Variants in TAFA4 observed in about 807,000 individuals in gnomAD.
The protein encoded by TAFA4 is TAFA chemokine like family member 4.
A neutral mutation model predicts 21.1 loss-of-function variants in TAFA4; 20 were observed. The ratio of observed to expected loss-of-function variants is 0.95; its 90% CI spans 0.67 to 1.38. The LOEUF is 1.38. Ranked by LOEUF, TAFA4 falls within the 40% of genes most tolerant of loss-of-function variation. The pLI, the probability that TAFA4 is intolerant of heterozygous loss-of-function variation, is 0.00. For missense variants in TAFA4, 211 were observed against 180.9 expected (o/e 1.17, Z -0.95); for synonymous variants, 71 against 67.4 (o/e 1.05, Z -0.26).
chr3:68,844,159 G>A (rs1704733149), intron 3 of TAFA4, among the ~76,000 whole-genome samples: 1 of 151,960 alleles, frequency 6.6e-6, no homozygotes, highest in South Asian at 2.1e-4. Flanking sequence ...AGCTTTTTTT[G>A]GTTGGTAGGC....
chr3:68,807,444 T>C (rs1188089078), intron 3 of TAFA4, among the ~76,000 whole-genome samples: 1 of 152,188 alleles, frequency 6.6e-6, no homozygotes, highest in Admixed American at 6.5e-5. Flanking sequence ...GTAGACATTT[T>C]TGAAACATGG....
intron 3 of TAFA4, among the ~76,000 whole-genome samples, chr3:68,756,594 T>C (rs1249557728): frequency 2.0e-5 from 3 of 152,200 alleles, no homozygotes; most frequent in Non-Finnish European, 4.4e-5. Context: ...TGTCATGCCA[T>C]CTTCAACGTC....
chr3:68,759,629 AAACTGAAGCTAAATATTG>A (rs1314501846), intron 3 of TAFA4, among the ~76,000 whole-genome samples: 1 of 152,184 alleles, frequency 6.6e-6, no homozygotes, highest in African/African-American at 2.4e-5. Context: ...TCCATCTTGA[AAACTGAAGCTAAATATTG>A]AGAACATAAC....
chr3:68,833,099 G>C (rs1180897316), intron 3 of TAFA4, among the ~76,000 whole-genome samples: 1 of 152,182 alleles, frequency 6.6e-6, no homozygotes, highest in Admixed American at 6.5e-5. Context: ...ATTCCTCCAG[G>C]TATAGTCACT....
At chr3:68,740,314 G>A (rs1254601088) in intron 4 of TAFA4, among the ~76,000 whole-genome samples, 1 of 152,146 alleles carries the variant, frequency 6.6e-6, no homozygotes. Context: ...GTTTGATGCT[G>A]TCAATAGGAA....
At chr3:68,780,769 T>C (rs1483320150) in intron 3 of TAFA4, among the ~76,000 whole-genome samples, 1 of 152,170 alleles carries the variant, frequency 6.6e-6, no homozygotes, top group Non-Finnish European at 1.5e-5. Flanking sequence ...CTCTCAGTAA[T>C]TGATAAAACA....
intron 1 of TAFA4, among the ~76,000 whole-genome samples, chr3:68,895,105 C>A (rs544838142): frequency 2.0e-5 from 3 of 152,250 alleles, no homozygotes; most frequent in African/African-American, 7.2e-5. Flanking sequence ...TCAAGCAATT[C>A]TCCTGCCTCA....
At chr3:68,924,182 A>T (rs1240462668) in intron 1 of TAFA4, among the ~76,000 whole-genome samples, 1 of 152,234 alleles carries the variant, frequency 6.6e-6, no homozygotes, top group Admixed American at 6.5e-5. Context: ...AGATGTTTGT[A>T]TACCTATGTT....
At chr3:68,779,371 C>T (rs1703110754) in intron 3 of TAFA4, among the ~76,000 whole-genome samples, 1 of 152,140 alleles carries the variant, frequency 6.6e-6, no homozygotes, top group African/African-American at 2.4e-5. Context: ...TAAAGAGGAA[C>T]CGAATGTTAA....
rs1204600931 is a variant in TAFA4, at chr3:68,869,757, G to A, written c.130+10973C>T. On this transcript the variant is annotated intron_variant, in intron 3 of 5. Transcript: ENST00000295569. ...GTAACAAACCCACAGCTAACATACTGCTTGGGGGGAAATTGAAAGACATTT... is the reference window on the plus strand; with the variant it reads ...GTAACAAACCCACAGCTAACATACTACTTGGGGGGAAATTGAAAGACATTT... Among the ~76,000 whole-genome samples the A allele has an allele frequency of 2.0e-5, 3 of 151,852 alleles. No individual in the cohort carries two copies. The South Asian group carries it at 6.2e-4, about 32-fold the overall frequency.
At chr3:68,876,209 A>G (rs2089548133) in intron 3 of TAFA4, among the ~76,000 whole-genome samples, 1 of 152,214 alleles carries the variant, frequency 6.6e-6, no homozygotes, top group Non-Finnish European at 1.5e-5. Flanking sequence ...TGTGTTAGTG[A>G]AATTAATTTC....
intron 1 of TAFA4, among the ~76,000 whole-genome samples, chr3:68,886,382 A>T (rs1021458149): frequency 6.6e-6 from 1 of 152,184 alleles, no homozygotes; most frequent in Non-Finnish European, 1.5e-5. Context: ...CAACTTGAAA[A>T]TGTTCATCTC....
At chr3:68,884,983 A>G (rs549693677) in intron 2 of TAFA4, among the ~76,000 whole-genome samples, 192 bp downstream of exon 2, 1 of 152,332 alleles carries the variant, frequency 6.6e-6, no homozygotes, top group East Asian at 1.9e-4. Context: ...CCAAAGTACT[A>G]TTTTGCAAAC....
intron 3 of TAFA4, among the ~76,000 whole-genome samples, chr3:68,803,308 C>A (rs1406190344): frequency 6.6e-6 from 1 of 152,146 alleles, no homozygotes; most frequent in Non-Finnish European, 1.5e-5. Context: ...GGGTTTGAAA[C>A]TGCTGCCTGG....
chr3:68,868,214 T>A (rs1205827578), intron 3 of TAFA4, among the ~76,000 whole-genome samples: 1 of 152,032 alleles, frequency 6.6e-6, no homozygotes, highest in African/African-American at 2.4e-5. Context: ...ATACCAGTTA[T>A]AGGCTTCAAG....
chr3:68,769,092 A>C (rs1702907078), intron 3 of TAFA4, among the ~76,000 whole-genome samples: 4 of 152,350 alleles, frequency 2.6e-5, no homozygotes, highest in Admixed American at 2.0e-4. Context: ...TGGGCTGCAC[A>C]GCAGAAGGTA....
At chr3:68,752,515 T>C (rs1702574457) in intron 4 of TAFA4, among the ~76,000 whole-genome samples, 1 of 152,168 alleles carries the variant, frequency 6.6e-6, no homozygotes, top group Non-Finnish European at 1.5e-5. Flanking sequence ...GAGAAAGTCA[T>C]GCTGCTAATT....
intron 3 of TAFA4, among the ~76,000 whole-genome samples, chr3:68,764,565 G>C (rs1177521375): frequency 6.6e-6 from 1 of 152,130 alleles, no homozygotes; most frequent in Non-Finnish European, 1.5e-5. Flanking sequence ...TGTTTCTGAA[G>C]AGTCTCTCTC....
intron 3 of TAFA4, among the ~76,000 whole-genome samples, chr3:68,878,058 AC>A (rs1301723057): frequency 1.3e-5 from 2 of 151,960 alleles, no homozygotes; most frequent in East Asian, 1.9e-4. Context: ...TTGACTTTAG[AC>A]CCCCCAACAT....
Sources: allele counts gnomAD v4.1 joint callset (sites outside exome capture counted in the v4.1 genomes callset), GRCh38; gene constraint gnomAD v4.1.1; transcripts MANE v1.5; gene names NCBI Gene and HGNC (gene_info 2026-07-23, HGNC 2026-07-21).